Variants in DLG2 observed in about 807,000 individuals in gnomAD.
DLG2 encodes discs large MAGUK scaffold protein 2, also known as disks large homolog 2.
A neutral mutation model predicts 132.5 loss-of-function variants in DLG2; 45 were observed. That is an observed-to-expected ratio of 0.34 (90% CI 0.27 to 0.44). DLG2 has a LOEUF of 0.44. Ranked by LOEUF, DLG2 falls within the 20% of genes least tolerant of loss-of-function variation. The pLI, the probability that DLG2 is intolerant of heterozygous loss-of-function variation, is 1.00. For missense variants in DLG2, 1,045 were observed against 1,196.9 expected (o/e 0.87, Z 1.87); for synonymous variants, 424 against 419.6 (o/e 1.01, Z -0.13).
rs937335852 is a variant in DLG2 at position 84,261,370 on chromosome 11, C to A, written c.520-10079G>T. 1.4e-4 allele frequency among the ~76,000 whole-genome samples: 22 copies of A among 152,150 alleles called. 1 individual carries two copies. Among genetic ancestry groups the A allele is most frequent in the African/African-American group, 5.3e-4 (22 of 41,440 alleles). ...TCCTAAATCAGTTGCAGTCCTCAAT[C>A]TTATCTCTCTAACCAAATTCTTTCC... On this transcript the variant is annotated intron_variant, in intron 7 of 27. Transcript: ENST00000376104.
chr11:84,413,194 C>A (rs1567568138), intron 7 of DLG2, among the ~76,000 whole-genome samples: 2 of 152,076 alleles, frequency 1.3e-5, no homozygotes, highest in Admixed American at 1.3e-4. Flanking sequence ...CATCCAGAGC[C>A]CACCTAGGTC....
chr11:84,339,715 A>C (rs2098505265), intron 7 of DLG2, among the ~76,000 whole-genome samples: 1 of 152,228 alleles, frequency 6.6e-6, no homozygotes, highest in Admixed American at 6.5e-5. Context: ...GAATTCCAGC[A>C]TCTCCCCATG....
intron 10 of DLG2, among the ~76,000 whole-genome samples, chr11:84,060,788 G>T (rs763848660): frequency 6.6e-6 from 1 of 151,884 alleles, no homozygotes; most frequent in African/African-American, 2.4e-5. Context: ...CAAAAATGAG[G>T]GGCCTCCTTT....
At position 84,251,316 on chromosome 11, in the gene DLG2, T is replaced by A. The variant is rs552645925; in HGVS notation, c.520-25A>T. ...CCTGAAAAAAGAAATAGAAAAAAAA[T>A]TAAATAATGAATAGTGTATTCTGAG... On this transcript the variant is annotated intron_variant, in intron 7 of 27. Coordinates refer to ENST00000376104, the MANE Select transcript of DLG2 (RefSeq NM_001142699.3). 179 of 1,500,816 alleles carry A rather than the reference T, an allele frequency of 1.2e-4. No individual in the cohort carries two copies. In the East Asian group the frequency reaches 4.2e-3, roughly 35 times the overall value. The allele number at this position is 1,500,816 out of a possible 1,614,324, so 93.0% of individuals were successfully genotyped here.
intron 3 of DLG2, among the ~76,000 whole-genome samples, chr11:85,495,029 C>T (rs1420986552): frequency 1.3e-5 from 2 of 151,896 alleles, no homozygotes; most frequent in Non-Finnish European, 2.9e-5. Context: ...CAATAGTGGT[C>T]AAGAGACTTA....
At chr11:84,019,419 T>C (rs1365648230) in intron 11 of DLG2, among the ~76,000 whole-genome samples, 1 of 152,126 alleles carries the variant, frequency 6.6e-6, no homozygotes, top group Non-Finnish European at 1.5e-5. Flanking sequence ...CAAAGAAAGG[T>C]ACATTTCTCT....
intron 19 of DLG2, among the ~76,000 whole-genome samples, chr11:83,562,588 G>A (rs576609242): frequency 5.9e-5 from 9 of 152,116 alleles, no homozygotes; most frequent in African/African-American, 1.7e-4. Flanking sequence ...AAAGAACAGG[G>A]AAAATGGTTG....
intron 15 of DLG2, among the ~76,000 whole-genome samples, chr11:83,874,823 C>T (rs2064351764): frequency 1.3e-5 from 2 of 152,068 alleles, no homozygotes; most frequent in South Asian, 4.2e-4. Context: ...TAGTACTCTA[C>T]CAGATAAGAG....
chr11:84,082,913 T>C (rs1272631885), intron 10 of DLG2, among the ~76,000 whole-genome samples: 4 of 152,170 alleles, frequency 2.6e-5, no homozygotes, highest in South Asian at 2.1e-4. Context: ...AGAAGACATA[T>C]AGAATGGTGG....
intron 6 of DLG2, among the ~76,000 whole-genome samples, chr11:84,653,496 C>CTCCCCTGT (rs1180674264): frequency 6.6e-6 from 1 of 152,146 alleles, no homozygotes; most frequent in Middle Eastern, 3.2e-3. Context: ...CCAGTAATGA[C>CTCCCCTGT]TCCCCTGTTA....
intron 6 of DLG2, among the ~76,000 whole-genome samples, chr11:84,650,259 C>G (rs1489707885): frequency 6.6e-6 from 1 of 152,156 alleles, no homozygotes; most frequent in Non-Finnish European, 1.5e-5. Context: ...CAATTGAACT[C>G]TCCTCCCTCA....
At chr11:83,963,156 G>T in intron 13 of DLG2, 133 bp from the exon 14 acceptor site, 2 of 903,766 alleles carry the variant, frequency 2.2e-6, no homozygotes, top group Non-Finnish European at 3.4e-6. Context: ...TCCTCCCAGA[G>T]GGGGGAGTTG....
chr11:83,831,431 C>T (rs1333694259), intron 17 of DLG2, among the ~76,000 whole-genome samples: 5 of 152,064 alleles, frequency 3.3e-5, no homozygotes, highest in African/African-American at 9.7e-5. Flanking sequence ...CACAGTGACA[C>T]ATACGACAAG....
At chr11:83,519,365 C>A (rs74592403) in intron 21 of DLG2, among the ~76,000 whole-genome samples, 1,879 of 152,212 alleles carry the variant, frequency 0.012, 32 homozygotes, top group African/African-American at 0.043. Flanking sequence ...TTTATTGTTA[C>A]AATATACCAC....
chr11:84,189,069 A>T (rs1251166828), intron 8 of DLG2, among the ~76,000 whole-genome samples: 1 of 152,222 alleles, frequency 6.6e-6, no homozygotes, highest in Non-Finnish European at 1.5e-5. Flanking sequence ...TGAATACTGC[A>T]GGTGCAAAGA....
At chr11:84,287,686 C>T (rs1389238166) in intron 7 of DLG2, among the ~76,000 whole-genome samples, 1 of 151,438 alleles carries the variant, frequency 6.6e-6, no homozygotes, top group Non-Finnish European at 1.5e-5. Context: ...CCTTTCTTCT[C>T]TCTTCCTTAC....
At chr11:84,186,009 T>C (rs2096269692) in intron 8 of DLG2, among the ~76,000 whole-genome samples, 1 of 152,190 alleles carries the variant, frequency 6.6e-6, no homozygotes, top group South Asian at 2.1e-4. Flanking sequence ...GTGGCCATGA[T>C]TGTTTCTAAT....
chr11:85,141,721 T>C (rs1476169462), intron 5 of DLG2, among the ~76,000 whole-genome samples: 1 of 151,944 alleles, frequency 6.6e-6, no homozygotes, highest in East Asian at 1.9e-4. Context: ...CATTTTTATT[T>C]TATTTTTGTA....
chr11:84,268,320 T>C (rs2097671357), intron 7 of DLG2, among the ~76,000 whole-genome samples: 3 of 152,178 alleles, frequency 2.0e-5, no homozygotes, highest in Non-Finnish European at 4.4e-5. Context: ...CACACTGCAA[T>C]ATAGTTTTCT....
Sources: allele counts gnomAD v4.1 joint callset (sites outside exome capture counted in the v4.1 genomes callset), GRCh38; gene constraint gnomAD v4.1.1; transcripts MANE v1.5; gene names NCBI Gene and HGNC (gene_info 2026-07-23, HGNC 2026-07-21).